Variants in KCNIP4 observed in about 807,000 individuals in gnomAD.
KCNIP4 encodes Kv channel-interacting protein 4.
KCNIP4 carries 12 observed loss-of-function variants against 34.0 expected under a neutral mutation model. That is an observed-to-expected ratio of 0.35 (90% CI 0.23 to 0.57). KCNIP4 has a LOEUF of 0.57. Among genes scored for constraint, KCNIP4 ranks in the 20% least tolerant of loss-of-function variants. The pLI is 0.83. For missense variants in KCNIP4, 238 were observed against 311.7 expected, an observed-to-expected ratio of 0.76 and a Z score of 1.78; for synonymous variants, 124 against 102.2, an observed-to-expected ratio of 1.21 and a Z score of -1.29.
chr4:21,265,535 A>T (rs997913502), intron 1 of KCNIP4, among the ~76,000 whole-genome samples: 1 of 152,234 alleles, frequency 6.6e-6, no homozygotes, highest in Non-Finnish European at 1.5e-5. Context: ...GGTAAGAATG[A>T]CAGGAGCCTT....
chr4:21,670,433 A>C, intron 1 of KCNIP4, among the ~76,000 whole-genome samples: 1 of 54,196 alleles, frequency 1.8e-5, no homozygotes, highest in East Asian at 5.4e-4. Context: ...GGGTCGGGGG[A>C]GGGGGGAGGG....
chr4:20,940,134 C>T (rs1197717186), intron 1 of KCNIP4, among the ~76,000 whole-genome samples: 1 of 152,220 alleles, frequency 6.6e-6, no homozygotes, highest in East Asian at 1.9e-4. Context: ...CCTAGGATGC[C>T]TTTCTGTTAC....
chr4:20,897,649 C>T (rs976584288), intron 1 of KCNIP4, among the ~76,000 whole-genome samples: 3 of 151,984 alleles, frequency 2.0e-5, no homozygotes, highest in Admixed American at 6.6e-5. Flanking sequence ...TGATTGGTGT[C>T]CTTAAAAGAG....
chr4:21,405,789 G>A (rs1318007513), intron 1 of KCNIP4, among the ~76,000 whole-genome samples: 1 of 152,126 alleles, frequency 6.6e-6, no homozygotes. Flanking sequence ...CATCATCAGG[G>A]GGTCTCAGTC....
At chr4:20,775,727 T>C (rs1756318081) in intron 3 of KCNIP4, among the ~76,000 whole-genome samples, 1 of 152,060 alleles carries the variant, frequency 6.6e-6, no homozygotes, top group South Asian at 2.1e-4. Context: ...TTAAAAAGAA[T>C]AATGATGATT....
intron 6 of KCNIP4, among the ~76,000 whole-genome samples, chr4:20,733,136 G>A (rs772248074): frequency 7.9e-5 from 12 of 152,086 alleles, no homozygotes; most frequent in Admixed American, 5.9e-4. Context: ...CTTATGTGTT[G>A]ATCATCAGTT....
intron 1 of KCNIP4, among the ~76,000 whole-genome samples, chr4:21,723,476 G>A (rs1025364765): frequency 6.6e-6 from 1 of 152,018 alleles, no homozygotes; most frequent in Non-Finnish European, 1.5e-5. Flanking sequence ...TTCCAGTAAT[G>A]TACAGCTTGC....
intron 1 of KCNIP4, among the ~76,000 whole-genome samples, chr4:21,345,844 A>T (rs190120991): frequency 3.3e-5 from 5 of 151,960 alleles, no homozygotes; most frequent in Non-Finnish European, 7.4e-5. Flanking sequence ...CTCATTAGTT[A>T]GAATTAAAGC....
At chr4:21,868,819 A>G (rs1196425744) in intron 1 of KCNIP4, among the ~76,000 whole-genome samples, 1 of 152,234 alleles carries the variant, frequency 6.6e-6, no homozygotes, top group Admixed American at 6.5e-5. Context: ...TCACGCCTCC[A>G]GAACATAATG....
chr4:20,975,363 C>A (rs964768891), intron 1 of KCNIP4, among the ~76,000 whole-genome samples: 3 of 152,044 alleles, frequency 2.0e-5, no homozygotes, highest in Admixed American at 2.0e-4. Context: ...TAAGAGTTTG[C>A]AAACTCAATA....
chr4:21,253,674 C>A (rs758296201), intron 1 of KCNIP4, among the ~76,000 whole-genome samples: 21 of 152,196 alleles, frequency 1.4e-4, no homozygotes, highest in Middle Eastern at 3.2e-3. Flanking sequence ...ATTAAAATCA[C>A]CTGAGTCCAC....
At chr4:21,456,517 T>C (rs1376096750) in intron 1 of KCNIP4, among the ~76,000 whole-genome samples, 1 of 148,408 alleles carries the variant, frequency 6.7e-6, no homozygotes, top group East Asian at 1.9e-4. Context: ...TTATTTTTTA[T>C]GTCTGGCCCT....
intron 2 of KCNIP4, among the ~76,000 whole-genome samples, chr4:20,858,043 C>G (rs1393124868): frequency 1.3e-5 from 2 of 151,648 alleles, no homozygotes; most frequent in African/African-American, 2.4e-5. Flanking sequence ...CCCCCCATCT[C>G]TACTAAAAAT....
chr4:20,983,244 C>G (rs1392081269), intron 1 of KCNIP4, among the ~76,000 whole-genome samples: 2 of 152,288 alleles, frequency 1.3e-5, no homozygotes, highest in South Asian at 2.1e-4. Context: ...CACACATGAG[C>G]AATGAGACTC....
chr4:21,882,336 A>G (rs948812940), intron 1 of KCNIP4, among the ~76,000 whole-genome samples: 1 of 152,184 alleles, frequency 6.6e-6, no homozygotes, highest in African/African-American at 2.4e-5. Flanking sequence ...CAGCATTCAA[A>G]TCTGGTAGGC....
intron 1 of KCNIP4, among the ~76,000 whole-genome samples, chr4:21,594,185 T>C (rs1429517458): frequency 6.6e-6 from 1 of 152,132 alleles, no homozygotes; most frequent in Non-Finnish European, 1.5e-5. Flanking sequence ...AAGGAAGCTG[T>C]GCTCTCAGAT....
chr4:21,054,482 G>T (rs534848744), intron 1 of KCNIP4, among the ~76,000 whole-genome samples: 3 of 150,196 alleles, frequency 2.0e-5, no homozygotes, highest in Admixed American at 6.6e-5. Context: ...TCACACCATT[G>T]CACTCCAACC....
intron 1 of KCNIP4, among the ~76,000 whole-genome samples, chr4:21,689,358 AT>A (rs1366963704): frequency 6.6e-6 from 1 of 152,166 alleles, no homozygotes; most frequent in Non-Finnish European, 1.5e-5. Context: ...ATAGCGACAA[AT>A]TTGTTAAACG....
At chr4:21,517,982 C>T (rs1407865138) in intron 1 of KCNIP4, among the ~76,000 whole-genome samples, 1 of 152,080 alleles carries the variant, frequency 6.6e-6, no homozygotes, top group Non-Finnish European at 1.5e-5. Flanking sequence ...TTATTCTTCC[C>T]ATCTCACACA....
Sources: allele counts gnomAD v4.1 joint callset (sites outside exome capture counted in the v4.1 genomes callset), GRCh38; gene constraint gnomAD v4.1.1; transcripts MANE v1.5; gene names NCBI Gene and HGNC (gene_info 2026-07-23, HGNC 2026-07-21).